Variants in RPA3 observed in about 807,000 individuals in gnomAD.
RPA3 encodes replication protein A 14 kDa subunit.
A neutral mutation model predicts 13.7 loss-of-function variants in RPA3; 24 were observed. The ratio of observed to expected loss-of-function variants is 1.75; its 90% CI spans 1.27 to 2.46. The LOEUF (loss-of-function observed/expected upper bound fraction) is 2.46. Among genes scored for constraint, RPA3 ranks in the 30% most tolerant of loss-of-function variants. RPA3 has a pLI of 0.00. For missense variants in RPA3, 183 were observed against 151.0 expected (o/e 1.21, Z -1.11); for synonymous variants, 59 against 51.2 (o/e 1.15, Z -0.65).
At chr7:7,684,020 A>G (rs1260702928) in intron 4 of RPA3, among the ~76,000 whole-genome samples, 1 of 152,208 alleles carries the variant, frequency 6.6e-6, no homozygotes, top group African/African-American at 2.4e-5. Context: ...TTGACGCTCA[A>G]CGCTCTGATA....
At chr7:7,649,468 C>T (rs1341233274) in intron 4 of RPA3, among the ~76,000 whole-genome samples, 1 of 152,220 alleles carries the variant, frequency 6.6e-6, no homozygotes, top group Non-Finnish European at 1.5e-5. Flanking sequence ...AACACTGTTG[C>T]ATTGGCAATT....
intron 4 of RPA3, among the ~76,000 whole-genome samples, chr7:7,671,038 G>A (rs1193100714): frequency 1.3e-5 from 2 of 152,112 alleles, no homozygotes; most frequent in Non-Finnish European, 2.9e-5. Flanking sequence ...CCTCCTTGGG[G>A]GCTGAACAGT....
intron 2 of RPA3, among the ~76,000 whole-genome samples, chr7:7,714,642 A>G (rs1780847170): frequency 6.6e-6 from 1 of 152,066 alleles, no homozygotes; most frequent in Non-Finnish European, 1.5e-5. Flanking sequence ...GTTGTGTACA[A>G]TGTATTATAT....
chr7:7,636,912 G>A lies in RPA3; in HGVS notation c.*88C>T. On this transcript the variant is annotated 3_prime_UTR_variant, in exon 8 of 8. Coordinates refer to ENST00000223129, the MANE Select transcript of RPA3 (RefSeq NM_002947.5). ...AAAACAGCAAATTAAATATGAGAAA[G>A]CACAGAAATCTCTCCCTCAAACAAG... The A allele has an allele frequency of 1.1e-6, 1 of 949,526 alleles. No homozygotes were observed. 58.8% of individuals were successfully genotyped at this position (949,526 alleles called of 1,614,324 possible).
chr7:7,701,147 T>C (rs1029884607), intron 2 of RPA3, among the ~76,000 whole-genome samples: 1 of 152,182 alleles, frequency 6.6e-6, no homozygotes, highest in Non-Finnish European at 1.5e-5. Context: ...TTAATAAACA[T>C]GTTCTGTATT....
At chr7:7,662,412 G>C (rs1785497177) in intron 4 of RPA3, among the ~76,000 whole-genome samples, 1 of 152,156 alleles carries the variant, frequency 6.6e-6, no homozygotes, top group African/African-American at 2.4e-5. Context: ...TGGCCGCCCA[G>C]TTTTGTGCTT....
At chr7:7,663,334 G>A (rs1048821479) in intron 4 of RPA3, among the ~76,000 whole-genome samples, 21 of 137,896 alleles carry the variant, frequency 1.5e-4, no homozygotes, top group Admixed American at 1.1e-3. Context: ...AAATAAGAGA[G>A]GTGGAAGTAA....
At chr7:7,640,122 CTT>C in intron 5 of RPA3, 196 bp downstream of exon 5, 2 of 604,456 alleles carry the variant, frequency 3.3e-6, no homozygotes, top group Non-Finnish European at 5.9e-6. Flanking sequence ...TTTGAAAACA[CTT>C]TGTTTCCGTG....
At chr7:7,693,457 G>A (rs897452129) in intron 2 of RPA3, among the ~76,000 whole-genome samples, 2 of 152,018 alleles carry the variant, frequency 1.3e-5, no homozygotes, top group African/African-American at 4.8e-5. Context: ...GATGTTTTGG[G>A]GGAAGAAGTT....
intron 2 of RPA3, among the ~76,000 whole-genome samples, chr7:7,693,488 TTC>T (rs1204952412): frequency 6.6e-6 from 1 of 152,146 alleles, no homozygotes; most frequent in East Asian, 1.9e-4. Flanking sequence ...TTATTTGGGT[TTC>T]TCTCTCATGT....
chr7:7,673,334 CAGCAGCA>C, intron 4 of RPA3: 4 of 1,216,186 alleles, frequency 3.3e-6, no homozygotes, highest in Non-Finnish European at 4.6e-6. Context: ...GCAGCAGCAG[CAGCAGCA>C]GCAGCAGCAG....
chr7:7,693,295 T>TTATCTGTC lies in RPA3; in HGVS notation c.-1027-5968_-1027-5967insGACAGATA, dbSNP rs1554315947. ...ATGAATAGTTACTCTTAAAATATCT[T>TTATCTGTC]TATCTATCTATCTATCTATCTATCT... On this transcript the variant is annotated intron_variant, in intron 2 of 7. Coordinates refer to ENST00000223129, the MANE Select transcript of RPA3 (RefSeq NM_002947.5). Among the ~76,000 whole-genome samples the TTATCTGTC allele has an allele frequency of 2.7e-5, 4 of 148,886 alleles. No individual in the cohort carries two copies. The East Asian group carries it at 7.9e-4, about 29-fold the overall frequency.
chr7:7,711,062 G>T lies in RPA3; in HGVS notation c.-1028+4113C>A, dbSNP rs150460799. The stretch of plus-strand genomic sequence containing the variant: ...TGGGGTGAAAGTTAGAGGCAAGTGT[G>T]TGTGGCTATAGAAGGATAACACTGG... On this transcript the variant is annotated intron_variant, in intron 2 of 7. Coordinates refer to ENST00000223129, the MANE Select transcript of RPA3 (RefSeq NM_002947.5). 5.5e-3 allele frequency among the ~76,000 whole-genome samples: 834 copies of T among 152,304 alleles called. 5 individuals are homozygous for T. Among genetic ancestry groups the T allele is most frequent in the African/African-American group, 0.018 (728 of 41,572 alleles).
At chr7:7,645,998 C>T (rs1053079460) in intron 4 of RPA3, among the ~76,000 whole-genome samples, 3 of 152,074 alleles carry the variant, frequency 2.0e-5, no homozygotes, top group African/African-American at 7.2e-5. Context: ...AAACCCCTTA[C>T]GGGAGAGGGA....
At chr7:7,665,216 C>T (rs1202272619) in intron 4 of RPA3, among the ~76,000 whole-genome samples, 6 of 152,074 alleles carry the variant, frequency 3.9e-5, no homozygotes, top group Admixed American at 6.5e-5. Flanking sequence ...AAAGGGAAGC[C>T]TTGGAGTAAT....
intron 2 of RPA3, among the ~76,000 whole-genome samples, chr7:7,689,136 G>A (rs1370012673): frequency 2.0e-5 from 3 of 152,092 alleles, no homozygotes; most frequent in South Asian, 2.1e-4. Flanking sequence ...AGCCAGTCAC[G>A]GTAGTCTAAT....
In RPA3 at chr7:7,709,902, C is replaced by G. The variant is rs1308171201; in HGVS notation, c.-1028+5273G>C. Among the ~76,000 whole-genome samples the G allele has an allele frequency of 3.3e-5, 5 of 152,172 alleles. No individual in the cohort carries two copies. In the East Asian group the frequency reaches 7.7e-4, roughly 23 times the overall value. ...ACCTTGAAGTTCTCTAAGTCTTCTC[C>G]TTACTCCCACCTCAGAGGTAAATTC... On this transcript the variant is annotated intron_variant, in intron 2 of 7. Coordinates refer to ENST00000223129, the MANE Select transcript of RPA3 (RefSeq NM_002947.5).
At chr7:7,687,682 G>A (rs981259642) in intron 2 of RPA3, among the ~76,000 whole-genome samples, 2 of 152,144 alleles carry the variant, frequency 1.3e-5, no homozygotes, top group Admixed American at 6.6e-5. Context: ...ATTTGAAAAG[G>A]ATTCACTTCC....
intron 4 of RPA3, among the ~76,000 whole-genome samples, chr7:7,647,098 G>C (rs6961170): frequency 2.8e-3 from 430 of 152,268 alleles, no homozygotes; most frequent in African/African-American, 9.9e-3. Context: ...TATCTATTGA[G>C]TGTTTGGTAG....
Sources: gnomAD v4.1 joint callset for allele counts (sites outside exome capture counted in the v4.1 genomes callset) on GRCh38, gnomAD v4.1.1 for gene constraint, MANE v1.5 for transcripts, NCBI Gene and HGNC (gene_info 2026-07-23, HGNC 2026-07-21) for gene names.